The following ZFPM2 variants were observed in gnomAD, a reference collection of about 807,000 sequenced individuals.
The protein encoded by ZFPM2 is zinc finger protein ZFPM2.
ZFPM2 carries 20 observed loss-of-function variants against 98.6 expected under a neutral mutation model. The ratio of observed to expected loss-of-function variants is 0.20; its 90% CI spans 0.14 to 0.29. The LOEUF (loss-of-function observed/expected upper bound fraction) is 0.29, where lower values mean the gene tolerates loss of function less well. Ranked by LOEUF, ZFPM2 falls within the 10% of genes least tolerant of loss-of-function variation. ZFPM2 has a pLI of 1.00. For missense variants in ZFPM2, 1,310 were observed against 1,388.6 expected, an observed-to-expected ratio of 0.94 and a Z score of 0.90; for synonymous variants, 518 against 502.7, an observed-to-expected ratio of 1.03 and a Z score of -0.41.
chr8:105,354,757 A>G (rs895674157), intron 1 of ZFPM2, among the ~76,000 whole-genome samples: 1 of 152,170 alleles, frequency 6.6e-6, no homozygotes, highest in Non-Finnish European at 1.5e-5. Flanking sequence ...GATCGAGACC[A>G]TCTTGGCTAA....
rs141349595 is a variant in ZFPM2, at chr8:105,565,800, C to T, written c.420+4319C>T. Among the ~76,000 whole-genome samples, 560 of 152,208 alleles carry T rather than the reference C, an allele frequency of 3.7e-3. 2 individuals carry two copies. The highest frequency in any genetic ancestry group is 0.013 in the African/African-American group (545 of 41,546). On this transcript the variant is annotated intron_variant, in intron 4 of 7. Coordinates refer to ENST00000407775, the MANE Select transcript of ZFPM2 (RefSeq NM_012082.4). ...AAACAAGTAACACTATAAACCTTGG[C>T]GTTAGGGGATTTTTACATGCCTAAA... is the stretch of plus-strand genomic sequence containing the variant.
chr8:105,525,348 C>A (rs1370938381), intron 3 of ZFPM2, among the ~76,000 whole-genome samples: 1 of 152,166 alleles, frequency 6.6e-6, no homozygotes, highest in Admixed American at 6.6e-5. Flanking sequence ...TACCAAGTTT[C>A]TTCGAAAACA....
intron 1 of ZFPM2, among the ~76,000 whole-genome samples, chr8:105,334,941 A>G (rs1423965114): frequency 4.0e-5 from 6 of 151,740 alleles, no homozygotes; most frequent in Non-Finnish European, 2.9e-5. Context: ...GAAATGAAGG[A>G]GTACATGGAG....
intron 3 of ZFPM2, among the ~76,000 whole-genome samples, chr8:105,514,307 CTTTTTTTTT>C (rs56955237): frequency 3.5e-4 from 45 of 127,570 alleles, no homozygotes; most frequent in Admixed American, 2.2e-3. Flanking sequence ...CTGGTCGTGT[CTTTTTTTTT>C]TTTTTTTTTT....
At chr8:105,719,044 A>G (rs1811594453) in intron 5 of ZFPM2, among the ~76,000 whole-genome samples, 1 of 151,910 alleles carries the variant, frequency 6.6e-6, no homozygotes, top group Admixed American at 6.6e-5. Flanking sequence ...AGTTCAGTAC[A>G]TTCTTGCCCC....
At chr8:105,719,999 T>C (rs1811619454) in intron 5 of ZFPM2, among the ~76,000 whole-genome samples, 1 of 151,908 alleles carries the variant, frequency 6.6e-6, no homozygotes, top group African/African-American at 2.4e-5. Flanking sequence ...TTCATCTTAC[T>C]TAACAGGGAA....
At chr8:105,688,630 A>G (rs1410727958) in intron 5 of ZFPM2, among the ~76,000 whole-genome samples, 1 of 152,112 alleles carries the variant, frequency 6.6e-6, no homozygotes, top group Non-Finnish European at 1.5e-5. Flanking sequence ...AACAAATATG[A>G]TAGCACAGGA....
At chr8:105,353,681 A>G (rs1162738401) in intron 1 of ZFPM2, among the ~76,000 whole-genome samples, 1 of 152,172 alleles carries the variant, frequency 6.6e-6, no homozygotes, top group Non-Finnish European at 1.5e-5. Context: ...AGAAGCAGAA[A>G]TATATTTTAG....
At chr8:105,646,356 A>T (rs778823115) in intron 5 of ZFPM2, among the ~76,000 whole-genome samples, 8 of 152,092 alleles carry the variant, frequency 5.3e-5, no homozygotes, top group Non-Finnish European at 1.2e-4. Context: ...GTTCGTTGAT[A>T]TCAGGGATGA....
intron 1 of ZFPM2, among the ~76,000 whole-genome samples, chr8:105,377,605 TCCAA>T (rs1361989891): frequency 5.1e-4 from 5 of 9,842 alleles, no homozygotes; most frequent in African/African-American, 1.4e-3. Context: ...TTCTTAAAAA[TCCAA>T]AAAAAAAAAA....
intron 4 of ZFPM2, among the ~76,000 whole-genome samples, chr8:105,603,480 C>T (rs1816135768): frequency 6.6e-6 from 1 of 151,902 alleles, no homozygotes; most frequent in Admixed American, 6.6e-5. Context: ...ATTTTTTCCC[C>T]AAAAATCTGA....
chr8:105,329,219 C>T (rs547026918), intron 1 of ZFPM2, among the ~76,000 whole-genome samples: 2 of 151,874 alleles, frequency 1.3e-5, no homozygotes, highest in South Asian at 2.1e-4. Context: ...TTGGCTTTTG[C>T]GATAGAAGAT....
intron 4 of ZFPM2, among the ~76,000 whole-genome samples, chr8:105,590,347 G>A (rs930527364): frequency 1.3e-5 from 2 of 152,134 alleles, no homozygotes; most frequent in African/African-American, 2.4e-5. Context: ...GAGACCTGTG[G>A]AGGATAATAA....
intron 3 of ZFPM2, among the ~76,000 whole-genome samples, chr8:105,508,250 T>C (rs1586424373): frequency 6.6e-6 from 1 of 152,260 alleles, no homozygotes; most frequent in Non-Finnish European, 1.5e-5. Flanking sequence ...GTCCAACCAG[T>C]AACAGTTTCC....
intron 5 of ZFPM2, among the ~76,000 whole-genome samples, chr8:105,700,195 A>C (rs557526488): frequency 2.0e-5 from 3 of 152,358 alleles, no homozygotes; most frequent in Admixed American, 6.5e-5. Context: ...TTATTCTGCC[A>C]TAATGCTACA....
chr8:105,348,737 T>C (rs998414374), intron 1 of ZFPM2, among the ~76,000 whole-genome samples: 3 of 152,134 alleles, frequency 2.0e-5, no homozygotes, highest in Admixed American at 6.5e-5. Flanking sequence ...ATGATTGACA[T>C]ATTAGATAAT....
chr8:105,552,900 C>A (rs536727233), intron 3 of ZFPM2, among the ~76,000 whole-genome samples: 1 of 151,162 alleles, frequency 6.6e-6, no homozygotes, highest in Non-Finnish European at 1.5e-5. Flanking sequence ...CTTGATCCCC[C>A]CCGGGCTCAA....
chr8:105,591,249 G>GA (rs528289706), intron 4 of ZFPM2, among the ~76,000 whole-genome samples: 70 of 143,504 alleles, frequency 4.9e-4, no homozygotes, highest in South Asian at 3.1e-3. Flanking sequence ...AGAATTATTT[G>GA]AAAAAAAAAA....
At chr8:105,707,961 A>G (rs944680555) in intron 5 of ZFPM2, among the ~76,000 whole-genome samples, 1 of 152,148 alleles carries the variant, frequency 6.6e-6, no homozygotes, top group Non-Finnish European at 1.5e-5. Context: ...AGCCTGAGGA[A>G]AATAATTTTT....
Sources: gnomAD v4.1 joint callset for allele counts (sites outside exome capture counted in the v4.1 genomes callset) on GRCh38, gnomAD v4.1.1 for gene constraint, MANE v1.5 for transcripts, NCBI Gene and HGNC (gene_info 2026-07-23, HGNC 2026-07-21) for gene names.